Variants in SEMA4F observed in about 807,000 individuals in gnomAD.
The protein encoded by SEMA4F is ssemaphorin 4F, also known as semaphorin-4F.
SEMA4F carries 51 observed loss-of-function variants against 78.4 expected under a neutral mutation model. That is an observed-to-expected ratio of 0.65 (90% CI 0.52 to 0.82). SEMA4F has a LOEUF of 0.82. SEMA4F is among the 40% of genes least tolerant of loss of function. The probability of loss-of-function intolerance (pLI) is 0.00; values close to 1 mark genes in which losing one functional copy is unlikely to be tolerated. For synonymous variants in SEMA4F, 418 were observed against 408.7 expected (o/e 1.02, Z -0.27); for missense variants, 938 against 1,014.4 (o/e 0.92, Z 1.02).
chr2:74,654,454 G>A lies in SEMA4F; in HGVS notation c.78G>A (p.Ala26=). The A allele has an allele frequency of 6.4e-7, 1 of 1,574,766 alleles. No individual in the cohort carries two copies. Residue 26 remains alanine, a synonymous_variant, in exon 1 of 14, where the codon GCG becomes GCA. Transcript: ENST00000357877. ...TASPFPLLLL[A]VLSGPVSGRV... is the part of the protein sequence containing the mutation. ...CGCCCTTCCCGCTACTGCTGCTGGC[G>A]GTGCTGAGCGGCCCGGTATCCGGCC...
the SEMA4F span, among the ~76,000 whole-genome samples, chr2:74,708,254 A>G: frequency 6.6e-6 from 1 of 152,234 alleles, no homozygotes; most frequent in African/African-American, 2.4e-5. Flanking sequence ...CCAGCAAAGT[A>G]CATTTACAAT....
chr2:74,676,660 C>T (rs573131599), intron 12 of SEMA4F, among the ~76,000 whole-genome samples: 1 of 152,272 alleles, frequency 6.6e-6, no homozygotes, highest in South Asian at 2.1e-4. Context: ...CCCAAATGTC[C>T]TTAGTCCACC....
the SEMA4F span, among the ~76,000 whole-genome samples, chr2:74,708,606 C>G: frequency 6.6e-6 from 1 of 151,978 alleles, no homozygotes; most frequent in Non-Finnish European, 1.5e-5. Flanking sequence ...ACAGGGCCTG[C>G]TAAAACAGAA....
chr2:74,680,389 T>G lies in SEMA4F; in HGVS notation c.*180T>G. 2 of 634,502 alleles carry G rather than the reference T, an allele frequency of 3.2e-6. No homozygotes were observed. Among genetic ancestry groups the G allele is most frequent in the Admixed American group, 3.5e-5 (1 of 28,880 alleles). 39.3% of individuals were successfully genotyped at this position (634,502 alleles called of 1,614,324 possible). Reference sequence around the variant, plus strand: ...CTGGATGGGCTTGGGGCCAGACCTTTGCCTGATTCCTGATTCCCATGAGAA... The same window carrying G: ...CTGGATGGGCTTGGGGCCAGACCTTGGCCTGATTCCTGATTCCCATGAGAA... On this transcript the variant is annotated 3_prime_UTR_variant, in exon 14 of 14. Transcript: ENST00000357877.
intron 5 of SEMA4F, among the ~76,000 whole-genome samples, chr2:74,670,736 A>G (rs1684941636): frequency 6.6e-6 from 1 of 152,226 alleles, no homozygotes; most frequent in Non-Finnish European, 1.5e-5. Flanking sequence ...AACATTTTCA[A>G]ACTCTGGCCT....
the SEMA4F span, among the ~76,000 whole-genome samples, chr2:74,689,473 A>T: frequency 2.0e-5 from 3 of 152,228 alleles, no homozygotes; most frequent in African/African-American, 7.2e-5. Flanking sequence ...TAAAGTGTAT[A>T]TATCATTTGA....
intron 8 of SEMA4F, 35 bp from the exon 9 acceptor site, chr2:74,674,853 C>T (rs770166431): frequency 1.2e-6 from 2 of 1,609,734 alleles, no homozygotes; most frequent in Non-Finnish European, 1.7e-6. Flanking sequence ...CCCCCAGACC[C>T]CTCCATATAT....
At position 74,673,512 on chromosome 2, in the gene SEMA4F, C is replaced by T. The variant is rs1305304529; in HGVS notation, c.606C>T (p.Ile202=). The change falls in exon 6 of 14, where the codon ATC becomes ATT. Residue 202 remains isoleucine, a synonymous_variant. Transcript: ENST00000357877. ...VKNYLGTEPI[I]TRAVGRAEDW... ...ACTACCTGGGGACGGAGCCAATTAT[C>T]ACCAGAGCAGTGGGTCGTGCCGAGG... 1.2e-6 allele frequency: 2 copies of T among 1,614,182 alleles called. No homozygotes were observed. Among genetic ancestry groups the T allele is most frequent in the Non-Finnish European group, 1.7e-6 (2 of 1,180,040 alleles).
At chr2:74,669,363 A>T (rs1016825987) in intron 5 of SEMA4F, among the ~76,000 whole-genome samples, 1 of 152,070 alleles carries the variant, frequency 6.6e-6, no homozygotes, top group Non-Finnish European at 1.5e-5. Flanking sequence ...AGGTGGGCAG[A>T]TCATGAGGTC....
In SEMA4F at chr2:74,680,431, G is replaced by T; in HGVS notation, c.*222G>T. The stretch of plus-strand genomic sequence containing the variant: ...CCATGAGAAATCAGAACTGCTTTCT[G>T]CAGCAAATCAGGGCTTCCCCCTAAC... On this transcript the variant is annotated 3_prime_UTR_variant, in exon 14 of 14. Transcript: ENST00000357877. 2.0e-6 allele frequency: 1 copy of T among 498,840 alleles called. No individual in the cohort carries two copies. The highest frequency in any genetic ancestry group is 3.5e-6 in the Non-Finnish European group (1 of 289,670). The allele number at this position is 498,840 out of a possible 1,614,324, so 30.9% of individuals were successfully genotyped here. A position where few individuals can be genotyped will look rare whatever the true frequency, so the allele number is the denominator to read the frequency against.
intron 5 of SEMA4F, among the ~76,000 whole-genome samples, chr2:74,663,281 G>T (rs1213222713): frequency 2.0e-5 from 3 of 152,152 alleles, no homozygotes; most frequent in Admixed American, 1.3e-4. Flanking sequence ...TGGCTATAGA[G>T]CCCTTGAAAT....
rs763504920 is a variant in SEMA4F, at chr2:74,657,866, A to G, written c.371A>G (p.Asn124Ser). The G allele has an allele frequency of 1.9e-6, 3 of 1,614,134 alleles. No individual in the cohort carries two copies. The highest frequency in any genetic ancestry group is 1.1e-5 in the South Asian group (1 of 91,078). Residue 124 changes from asparagine to serine, a missense_variant, in exon 4 of 14, where the codon AAT (asparagine) becomes AGT (serine). Physicochemically the swap from Asn to Ser is conservative, Grantham distance 46. Coordinates refer to ENST00000357877, the MANE Select transcript of SEMA4F (RefSeq NM_004263.5). ...TCTGACCCCCAGGACGAATGTCACA[A>G]TTTTGTCCAGATTCTCGCCATTGCC... ...KKGKKEDECH[N>S]FVQILAIANA... is the part of the protein sequence containing the mutation.
Position 74,657,848 on chromosome 2 carries a change from C to G in SEMA4F, c.358-5C>G. On this transcript the variant is annotated splice_region_variant and splice_polypyrimidine_tract_variant and intron_variant, in intron 3 of 13. Transcript: ENST00000357877. ...TGATTCTTTCTAACCGTCTCTGACCCCCAGGACGAATGTCACAATTTTGTC... is the reference window on the plus strand; with the variant it reads ...TGATTCTTTCTAACCGTCTCTGACCGCCAGGACGAATGTCACAATTTTGTC... 1 of 1,613,548 alleles carries G rather than the reference C, an allele frequency of 6.2e-7. No individual in the cohort carries two copies. Among genetic ancestry groups the G allele is most frequent in the Non-Finnish European group, 8.5e-7 (1 of 1,179,414 alleles).
Position 74,675,182 on chromosome 2 carries a change from G to A in SEMA4F, c.1170G>A (p.Lys390=). ...TCTAGTGCATCACCAACAACATGAA[G>A]CTCCGGCACTTTGGCTCATCTCTCT... ...RPGECITNNM[K]LRHFGSSLSL... Residue 390 remains lysine, a synonymous_variant, in exon 10 of 14, where the codon AAG becomes AAA. Transcript: ENST00000357877. 1.2e-6 allele frequency: 2 copies of A among 1,614,064 alleles called. No homozygotes were observed. Among genetic ancestry groups the A allele is most frequent in the South Asian group, 2.2e-5 (2 of 91,084 alleles).
chr2:74,658,013 G>T lies in SEMA4F; in HGVS notation c.456+62G>T. 6.8e-7 allele frequency: 1 copy of T among 1,460,798 alleles called. No individual in the cohort carries two copies. The highest frequency in any genetic ancestry group is 9.6e-7 in the Non-Finnish European group (1 of 1,042,560). 90.5% of individuals were successfully genotyped at this position (1,460,798 alleles called of 1,614,324 possible). A position where few individuals can be genotyped will look rare whatever the true frequency, so the allele number is the denominator to read the frequency against. On this transcript the variant is annotated intron_variant, in intron 4 of 13. Coordinates refer to ENST00000357877, the MANE Select transcript of SEMA4F (RefSeq NM_004263.5). The surrounding 1 kb of genome is among the most constrained non-coding windows in gnomAD (Gnocchi z 4.3). ...TGCACCAGTGTGAGTTACTTGGGGTGGTGGTGGGAGGATGGGAAGGGTTTT... is the reference window on the plus strand; with the variant it reads ...TGCACCAGTGTGAGTTACTTGGGGTTGTGGTGGGAGGATGGGAAGGGTTTT...
At chr2:74,674,259 A>C (rs2075214) in intron 7 of SEMA4F, among the ~76,000 whole-genome samples, 28,705 of 152,150 alleles carry the variant, frequency 0.19, 3,999 homozygotes, top group East Asian at 0.82. Context: ...CACATAATAC[A>C]GCACTTTATA....
At chr2:74,671,309 T>C (rs192149419) in intron 5 of SEMA4F, among the ~76,000 whole-genome samples, 9 of 152,342 alleles carry the variant, frequency 5.9e-5, no homozygotes, top group African/African-American at 2.2e-4. Context: ...AGAGTGTTTC[T>C]TCAGTGCTGG....
chr2:74,696,818 A>G, the SEMA4F span, among the ~76,000 whole-genome samples: 1 of 152,244 alleles, frequency 6.6e-6, no homozygotes, highest in Non-Finnish European at 1.5e-5. Context: ...ATCCTTCCAC[A>G]TAAGTGCATA....
the SEMA4F span, among the ~76,000 whole-genome samples, chr2:74,707,880 A>C: frequency 3.3e-5 from 5 of 152,286 alleles, no homozygotes; most frequent in Middle Eastern, 3.4e-3. Context: ...GAGAGAGCCC[A>C]GGAGATCCTC....
Sources: gnomAD v4.1 joint callset for allele counts (sites outside exome capture counted in the v4.1 genomes callset) on GRCh38, gnomAD v4.1.1 for gene constraint, Gnocchi (gnomAD v3.1) non-coding constraint, MANE v1.5 for transcripts, NCBI Gene and HGNC (gene_info 2026-07-23, HGNC 2026-07-21) for gene names.